Variants in POLR2B observed in about 807,000 individuals in gnomAD.
The protein encoded by POLR2B is RNA polymerase II subunit B.
In POLR2B, 57 loss-of-function variants were observed where a neutral mutation model predicts 144.6. The ratio of observed to expected loss-of-function variants is 0.39; its 90% CI spans 0.32 to 0.49. The LOEUF is 0.49. POLR2B is among the 20% of genes least tolerant of loss of function. POLR2B has a pLI of 0.83. For synonymous variants in POLR2B, 442 were observed against 469.8 expected (o/e 0.94, Z 0.77); for missense variants, 595 against 1,467.4 (o/e 0.41, Z 9.71).
At chr4:56,992,560 ATT>A (rs779373741) in intron 3 of POLR2B, among the ~76,000 whole-genome samples, 5 of 85,590 alleles carry the variant, frequency 5.8e-5, no homozygotes, top group Admixed American at 1.5e-4. Context: ...TGGCTTATCT[ATT>A]TTTTTTTTTT....
At position 57,017,862 on chromosome 4, in the gene POLR2B, T is replaced by C. The variant is rs1723419895; in HGVS notation, c.2323+134T>C. ...GGAATTTATAATATGGTGGGAAACA[T>C]GAACATAATAAAAAGGTAGGTATGT... is the stretch of plus-strand genomic sequence containing the variant. On this transcript the variant is annotated intron_variant, in intron 16 of 24. Coordinates refer to ENST00000314595, the MANE Select transcript of POLR2B (RefSeq NM_000938.3). The surrounding 1 kb of genome is among the most constrained non-coding windows in gnomAD (Gnocchi z 4.8). The C allele has an allele frequency of 5.0e-6, 3 of 599,152 alleles. No individual in the cohort carries two copies. Among genetic ancestry groups the C allele is most frequent in the Admixed American group, 7.1e-5 (2 of 28,090 alleles). 37.1% of individuals were successfully genotyped at this position (599,152 alleles called of 1,614,324 possible).
chr4:57,000,563 A>G (rs970300692), intron 7 of POLR2B, among the ~76,000 whole-genome samples: 16 of 152,204 alleles, frequency 1.1e-4, no homozygotes, highest in Admixed American at 2.0e-4. Context: ...TTTCTGGACC[A>G]TCGGAGAGTA....
At chr4:56,986,299 A>G (rs754004438) in intron 1 of POLR2B, 55 bp from the exon 2 acceptor site, 18 of 972,340 alleles carry the variant, frequency 1.9e-5, no homozygotes, top group Non-Finnish European at 2.9e-5. Flanking sequence ...TAGGAGCAAG[A>G]TGTTAACTAA....
At chr4:57,019,473 G>A (rs535918683) in intron 16 of POLR2B, among the ~76,000 whole-genome samples, 9 of 151,864 alleles carry the variant, frequency 5.9e-5, no homozygotes, top group African/African-American at 1.9e-4. Context: ...CCAAAGTGCC[G>A]GGATTACAGA....
rs138828073 is a variant in POLR2B, at chr4:57,004,020, C to CTTT, written c.901-1204_901-1202dup. On this transcript the variant is annotated intron_variant, in intron 7 of 24. Transcript: ENST00000314595. Reference sequence around the variant, plus strand: ...ATATTAGGTTTAATTTAAATTAAATCTTTTTTTTTTTTTTTTTTTTTTTTG... The same window carrying CTTT: ...ATATTAGGTTTAATTTAAATTAAATCTTTTTTTTTTTTTTTTTTTTTTTTTTTG... 1.3e-3 allele frequency among the ~76,000 whole-genome samples: 93 copies of CTTT among 72,332 alleles called. 1 individual carries two copies. The highest frequency in any genetic ancestry group is 1.8e-3 in the Non-Finnish European group (74 of 41,656). The allele number at this position is 72,332 out of a possible 152,430, so 47.5% of individuals were successfully genotyped here.
chr4:56,994,428 C>A lies in POLR2B; in HGVS notation c.268C>A (p.Gln90Lys). The change falls in exon 4 of 25, where the codon CAA becomes AAA. Residue 90 changes from glutamine (Q) to lysine (K), a missense_variant. By Grantham distance (53) the Gln-to-Lys change is moderately conservative. Transcript: ENST00000314595. ...GCCACGATATTTGCTGAAGTTTGAA[C>A]AAATTTATCTTTCCAAGCCTACCCA... ...EPPRYLLKFE[Q>K]IYLSKPTHWE... 6.3e-7 allele frequency: 1 copy of A among 1,599,176 alleles called. No individual in the cohort carries two copies. Among genetic ancestry groups the A allele is most frequent in the Non-Finnish European group, 8.6e-7 (1 of 1,167,528 alleles).
At chr4:56,979,112 T>A in intron 1 of POLR2B, 108 bp downstream of exon 1, 1 of 1,152,356 alleles carries the variant, frequency 8.7e-7, no homozygotes, top group Non-Finnish European at 1.3e-6. Context: ...GGCTGCACAG[T>A]CCCCAGCCTT....
chr4:57,003,291 A>G (rs143226742), intron 7 of POLR2B, among the ~76,000 whole-genome samples: 3,110 of 152,108 alleles, frequency 0.02, 108 homozygotes, highest in African/African-American at 0.071. Flanking sequence ...TTAGCTGGGC[A>G]TGGTGGTGTG....
Position 57,022,184 on chromosome 4 carries a change from A to C in POLR2B, c.2453A>C (p.Glu818Ala), listed in dbSNP as rs1315032931. 1 of 1,611,630 alleles carries C rather than the reference A, an allele frequency of 6.2e-7. No individual in the cohort carries two copies. Among genetic ancestry groups the C allele is most frequent in the Non-Finnish European group, 8.5e-7 (1 of 1,177,824 alleles). ...SVFYRSYKEQESKKGFDQEEV... is the reference protein window; with the variant it reads ...SVFYRSYKEQASKKGFDQEEV... ...TTCTATCGCTCATACAAAGAACAGG[A>C]GTCTAAAAAAGGATTTGATCAAGAA... Residue 818 changes from glutamate (E) to alanine (A), a missense_variant, in exon 18 of 25, where the codon GAG becomes GCG. Coordinates refer to ENST00000314595, the MANE Select transcript of POLR2B (RefSeq NM_000938.3).
chr4:56,985,726 G>C (rs1487870182), intron 1 of POLR2B, among the ~76,000 whole-genome samples: 2 of 152,202 alleles, frequency 1.3e-5, no homozygotes, highest in African/African-American at 4.8e-5. Flanking sequence ...GCTCCAGAAG[G>C]AAGTGTTTTA....
chr4:57,010,404 G>A lies in POLR2B; in HGVS notation c.1448G>A (p.Arg483His), dbSNP rs1178799312. The change falls in exon 11 of 25, where the codon CGT (arginine) becomes CAT (histidine). Residue 483 changes from arginine to histidine, a missense_variant. Physicochemically the swap from Arg to His is conservative, Grantham distance 29. Coordinates refer to ENST00000314595, the MANE Select transcript of POLR2B (RefSeq NM_000938.3). The stretch of plus-strand genomic sequence containing the variant: ...TTTGCGTCTACTCTTTCTCACCTGC[G>A]TCGTTTAAATTCTCCTATTGGTAGA... ...LTFASTLSHL[R>H]RLNSPIGRDG... 1 of 1,613,904 alleles carries A rather than the reference G, an allele frequency of 6.2e-7. No individual in the cohort carries two copies. Among genetic ancestry groups the A allele is most frequent in the African/African-American group, 1.3e-5 (1 of 74,996 alleles).
rs768579791 is a variant in POLR2B, at chr4:56,999,603, CTTTA to C, written c.736-10_736-7del. 1 of 1,574,608 alleles carries C rather than the reference CTTTA, an allele frequency of 6.4e-7. No homozygotes were observed. Among genetic ancestry groups the C allele is most frequent in the Non-Finnish European group, 8.6e-7 (1 of 1,157,774 alleles). ...TTTGTATATTCATGTTCTAATGATACTTTATTTTTCTAGGGTGCCAAGAAGAGTG... is the reference window on the plus strand; with the variant it reads ...TTTGTATATTCATGTTCTAATGATACTTTTTCTAGGGTGCCAAGAAGAGTG... On this transcript the variant is annotated splice_polypyrimidine_tract_variant and intron_variant, in intron 6 of 24. Transcript: ENST00000314595.
intron 1 of POLR2B, among the ~76,000 whole-genome samples, chr4:56,983,441 C>A (rs192679278): frequency 7.3e-6 from 1 of 136,836 alleles, no homozygotes; most frequent in Non-Finnish European, 1.5e-5. Context: ...GGTGTGATAT[C>A]GGCTCACTGC....
chr4:56,993,225 C>G (rs1011391156), intron 3 of POLR2B, among the ~76,000 whole-genome samples: 7 of 151,352 alleles, frequency 4.6e-5, no homozygotes, highest in African/African-American at 1.5e-4. Context: ...ATCACTTGAA[C>G]CCAGGAGGTG....
intron 13 of POLR2B, among the ~76,000 whole-genome samples, chr4:57,014,319 G>C (rs1301973077): frequency 6.8e-6 from 1 of 147,042 alleles, no homozygotes; most frequent in Non-Finnish European, 1.5e-5. Context: ...TCAGCCTCCT[G>C]AGGGGCTGGG....
chr4:56,984,891 T>C (rs1033033215), intron 1 of POLR2B, among the ~76,000 whole-genome samples: 1 of 152,170 alleles, frequency 6.6e-6, no homozygotes, highest in Non-Finnish European at 1.5e-5. Context: ...CATATTTAAA[T>C]TACTGTTGCA....
chr4:57,013,800 A>G (rs572841384), intron 13 of POLR2B, among the ~76,000 whole-genome samples: 34 of 152,236 alleles, frequency 2.2e-4, no homozygotes, highest in African/African-American at 7.0e-4. Context: ...TGTGTTTACA[A>G]AAACAGCTGG....
intron 14 of POLR2B, among the ~76,000 whole-genome samples, chr4:57,016,149 C>A (rs989383642): frequency 1.3e-5 from 2 of 152,212 alleles, no homozygotes. Flanking sequence ...TTTTAGAATA[C>A]TTTCATTGCC....
chr4:57,029,717 A>G (rs571139191), intron 23 of POLR2B, among the ~76,000 whole-genome samples: 8 of 152,124 alleles, frequency 5.3e-5, no homozygotes, highest in Admixed American at 1.3e-4. Flanking sequence ...CCTTATTTAG[A>G]TTGTCTTTTT....
Sources: allele counts gnomAD v4.1 joint callset (sites outside exome capture counted in the v4.1 genomes callset), GRCh38; gene constraint gnomAD v4.1.1; non-coding constraint Gnocchi (gnomAD v3.1); transcripts MANE v1.5; gene names NCBI Gene and HGNC (gene_info 2026-07-23, HGNC 2026-07-21).